HDDC2: variants seen among roughly 807,000 people sequenced by gnomAD.
HDDC2 encodes HD domain containing 2.
In HDDC2, 25 loss-of-function variants were observed where a neutral mutation model predicts 25.5. The ratio of observed to expected loss-of-function variants is 0.98; its 90% confidence interval spans 0.72 to 1.37. The LOEUF (loss-of-function observed/expected upper bound fraction) is 1.37. Ranked by LOEUF, HDDC2 falls within the 40% of genes most tolerant of loss-of-function variation. The pLI, the probability that HDDC2 is intolerant of heterozygous loss-of-function variation, is 0.00. For missense variants in HDDC2, 264 were observed against 253.1 expected (o/e 1.04, Z -0.29); for synonymous variants, 106 against 89.7 (o/e 1.18, Z -1.03).
chr6:125,293,994 G>C (rs1798667841), intron 3 of HDDC2, among the ~76,000 whole-genome samples: 1 of 152,160 alleles, frequency 6.6e-6, no homozygotes, highest in African/African-American at 2.4e-5. Context: ...AAGATCCCAG[G>C]AGCTACCCTT....
At chr6:125,279,035 T>C (rs1179911799) in intron 4 of HDDC2, 3 of 152,048 alleles carry the variant, frequency 2.0e-5, no homozygotes, top group Non-Finnish European at 1.5e-5. Context: ...AGTCCAAATA[T>C]GTGCAAGTAG....
chr6:125,286,165 G>T (rs73772424), intron 4 of HDDC2, among the ~76,000 whole-genome samples: 2,924 of 152,206 alleles, frequency 0.019, 88 homozygotes, highest in African/African-American at 0.067. Flanking sequence ...AACCTACTAG[G>T]CAACAAGTCT....
At chr6:125,293,744 C>G (rs1798664352) in intron 3 of HDDC2, among the ~76,000 whole-genome samples, 2 of 152,210 alleles carry the variant, frequency 1.3e-5, no homozygotes, top group Non-Finnish European at 2.9e-5. Context: ...AACAGGTGGA[C>G]AGTGACCCCG....
In HDDC2 at chr6:125,275,980, CTTCT is replaced by C. The variant is rs1265217812; in HGVS notation, c.*162_*165del. ...TTCATGACCGCTTCCTGTTCTGTGG[CTTCT>C]TTTAGTGCCCAAGTTGTATCACATT... On this transcript the variant is annotated 3_prime_UTR_variant, in exon 6 of 6. Coordinates refer to ENST00000398153, the MANE Select transcript of HDDC2 (RefSeq NM_016063.3). 4 of 613,228 alleles carry C rather than the reference CTTCT, an allele frequency of 6.5e-6. No homozygotes were observed. The highest frequency in any genetic ancestry group is 1.2e-5 in the Non-Finnish European group (4 of 345,984). The allele number at this position is 613,228 out of a possible 1,614,324, so 38.0% of individuals were successfully genotyped here. A position where few individuals can be genotyped will look rare whatever the true frequency, so the allele number is the denominator to read the frequency against.
intron 5 of HDDC2, chr6:125,276,638 A>C (rs2115098558): frequency 4.1e-6 from 1 of 243,402 alleles, no homozygotes; most frequent in East Asian, 1.0e-4. Context: ...CCTATATATG[A>C]AAAGACAAGG....
intron 4 of HDDC2, among the ~76,000 whole-genome samples, chr6:125,282,294 C>T (rs577242134): frequency 1.3e-5 from 2 of 149,608 alleles, no homozygotes; most frequent in South Asian, 4.2e-4. Context: ...TGCAGTGAGC[C>T]GAGAGTATGC....
At chr6:125,294,263 T>C (rs185049083) in intron 3 of HDDC2, among the ~76,000 whole-genome samples, 15 of 152,296 alleles carry the variant, frequency 9.8e-5, no homozygotes, top group South Asian at 4.1e-4. Context: ...AAATTGGACA[T>C]TTGTGTGTAT....
chr6:125,294,372 A>C (rs1798674855), intron 3 of HDDC2, among the ~76,000 whole-genome samples: 1 of 152,230 alleles, frequency 6.6e-6, no homozygotes, highest in South Asian at 2.1e-4. Flanking sequence ...TATAAATAAC[A>C]TCACCATCTT....
chr6:125,290,121 T>C (rs1798608784), intron 4 of HDDC2, among the ~76,000 whole-genome samples: 1 of 152,224 alleles, frequency 6.6e-6, no homozygotes, highest in South Asian at 2.1e-4. Context: ...TGTCATTTTC[T>C]ATGTAACTAA....
rs1453012438 is a variant in HDDC2, at chr6:125,300,657, T to A, written c.87A>T (p.Arg29Ser). Residue 29 changes from arginine to serine, a missense_variant and splice_region_variant, in exon 2 of 6, where the codon AGA becomes AGT. Arg to Ser is a moderately radical substitution (Grantham distance 110). Transcript: ENST00000398153. ...TGTATACCCAGCCAGTTCGTGGGAC[T>A]CTCTGATAAATATGAAGAAGAAAAA... ...QFLRLVGQLK[R>S]VPRTGWVYRN... 1 of 1,610,324 alleles carries A rather than the reference T, an allele frequency of 6.2e-7. No individual in the cohort carries two copies. The highest frequency in any genetic ancestry group is 1.3e-5 in the African/African-American group (1 of 74,644).
intron 4 of HDDC2, among the ~76,000 whole-genome samples, chr6:125,288,666 C>T (rs1000135485): frequency 3.3e-5 from 5 of 150,514 alleles, no homozygotes; most frequent in East Asian, 1.9e-4. Context: ...AAAAAGTGGG[C>T]GAAGGACATG....
At chr6:125,299,133 C>T (rs1379573419) in intron 2 of HDDC2, among the ~76,000 whole-genome samples, 4 of 152,164 alleles carry the variant, frequency 2.6e-5, no homozygotes, top group African/African-American at 9.7e-5. Context: ...GCCTGTCATA[C>T]CAGCACTTTG....
chr6:125,298,857 A>G (rs777015910), intron 2 of HDDC2, 41 bp from the exon 3 acceptor site: 2 of 1,360,426 alleles, frequency 1.5e-6, no homozygotes, highest in Non-Finnish European at 2.1e-6. Context: ...ACAGAATTAT[A>G]TTTACTACAA....
intron 4 of HDDC2, among the ~76,000 whole-genome samples, chr6:125,284,866 T>C (rs1041621962): frequency 7.9e-5 from 12 of 152,186 alleles, no homozygotes; most frequent in African/African-American, 2.9e-4. Flanking sequence ...CATGCACACG[T>C]ATGTTTAATG....
chr6:125,277,239 T>G lies in HDDC2; in HGVS notation c.380A>C (p.Glu127Ala). The part of the protein sequence containing the change: ...LRKELYELWE[E>A]YETQSSAEAK... ...TTCTGCACTAGATTGGGTCTCGTAC[T>G]CCTAAGTAAAGGGACAATTAAAGCA... is the stretch of plus-strand genomic sequence containing the variant. Residue 127 changes from glutamate to alanine, a missense_variant and splice_region_variant, in exon 5 of 6, where the codon GAG becomes GCG. Transcript: ENST00000398153. 6.2e-7 allele frequency: 1 copy of G among 1,613,938 alleles called. No homozygotes were observed. Among genetic ancestry groups the G allele is most frequent in the Non-Finnish European group, 8.5e-7 (1 of 1,179,902 alleles).
intron 4 of HDDC2, among the ~76,000 whole-genome samples, chr6:125,287,916 C>T (rs1798566973): frequency 6.6e-6 from 1 of 152,186 alleles, no homozygotes; most frequent in African/African-American, 2.4e-5. Flanking sequence ...TTGCCGGATC[C>T]AGCCACACCC....
At chr6:125,285,002 A>G (rs1290946281) in intron 4 of HDDC2, among the ~76,000 whole-genome samples, 3 of 152,214 alleles carry the variant, frequency 2.0e-5, no homozygotes, top group Non-Finnish European at 4.4e-5. Flanking sequence ...GAATGAGTTC[A>G]TATACTTTGC....
At position 125,287,871 on chromosome 6, in the gene HDDC2, G is replaced by A. The variant is rs148188916; in HGVS notation, c.378+4970C>T. 1.6e-3 allele frequency among the ~76,000 whole-genome samples: 237 copies of A among 152,306 alleles called. 1 individual carries two copies. Among genetic ancestry groups the A allele is most frequent in the Admixed American group, 3.6e-3 (55 of 15,308 alleles). On this transcript the variant is annotated intron_variant, in intron 4 of 5. Transcript: ENST00000398153. ...CAGGAGAGTGGCAACACCTCATGCC[G>A]CCACAGTGTCAGGCAGCACACAGGC... is the stretch of plus-strand genomic sequence containing the variant.
At chr6:125,282,918 G>A (rs1798479669) in intron 4 of HDDC2, among the ~76,000 whole-genome samples, 1 of 152,084 alleles carries the variant, frequency 6.6e-6, no homozygotes. Context: ...AGACAAAGAA[G>A]GGCATTACAT....
Sources: gnomAD v4.1 joint callset for allele counts (sites outside exome capture counted in the v4.1 genomes callset) on GRCh38, gnomAD v4.1.1 for gene constraint, MANE v1.5 for transcripts, NCBI Gene and HGNC (gene_info 2026-07-23, HGNC 2026-07-21) for gene names.